The following CREB1 variants were observed in gnomAD, a reference collection of about 807,000 sequenced individuals.
The protein encoded by CREB1 is cyclic AMP-responsive element-binding protein 1.
A neutral mutation model predicts 42.0 loss-of-function variants in CREB1; 2 were observed. The observed-to-expected ratio is 0.05, with a 90% CI of 0.02 to 0.15. The LOEUF (loss-of-function observed/expected upper bound fraction) is 0.15. CREB1 is among the 10% of genes least tolerant of loss of function. The probability of loss-of-function intolerance (pLI) is 1.00; values close to 1 mark genes in which losing one functional copy is unlikely to be tolerated. For missense variants in CREB1, 199 were observed against 388.9 expected (o/e 0.51, Z 4.11); for synonymous variants, 123 against 139.9 (o/e 0.88, Z 0.85).
At chr2:207,587,325 A>G (rs1377206336) in intron 7 of CREB1, among the ~76,000 whole-genome samples, 1 of 151,478 alleles carries the variant, frequency 6.6e-6, no homozygotes, top group African/African-American at 2.4e-5. Flanking sequence ...CCCGGAAGGC[A>G]GAGCTTGCAG....
At chr2:207,578,646 T>G (rs982309342) in intron 7 of CREB1, among the ~76,000 whole-genome samples, 1 of 152,212 alleles carries the variant, frequency 6.6e-6, no homozygotes, top group South Asian at 2.1e-4. Flanking sequence ...TTTGTGTGTG[T>G]GTGTGCAATT....
Position 207,597,893 on chromosome 2 carries a change from A to T in CREB1, c.*835A>T, listed in dbSNP as rs1344675299. ...AATTCTTAGTAAAATGCTGATCAGT[A>T]AACCAATCCCTTGAGTTATATAACA... On this transcript the variant is annotated 3_prime_UTR_variant, in exon 8 of 8. Coordinates refer to ENST00000353267, the MANE Select transcript of CREB1 (RefSeq NM_004379.5). The T allele has an allele frequency of 1.1e-5, 2 of 188,370 alleles. No homozygotes were observed. Among genetic ancestry groups the T allele is most frequent in the Non-Finnish European group, 2.2e-5 (2 of 89,520 alleles). The allele number at this position is 188,370 out of a possible 1,614,324, so 11.7% of individuals were successfully genotyped here.
chr2:207,545,426 C>T (rs1233447277), intron 1 of CREB1, among the ~76,000 whole-genome samples: 1 of 152,032 alleles, frequency 6.6e-6, no homozygotes, highest in Non-Finnish European at 1.5e-5. Context: ...CAGCTGGTCA[C>T]GAACTTCTCA....
intron 3 of CREB1, among the ~76,000 whole-genome samples, chr2:207,566,264 C>T (rs866419992): frequency 1.3e-5 from 2 of 152,128 alleles, no homozygotes; most frequent in Admixed American, 6.5e-5. Context: ...ACATAGAGTA[C>T]GCTTGGAATT....
rs923172223 is a variant in CREB1 at position 207,605,474 on chromosome 2, T to C, written c.*8416T>C. On this transcript the variant is annotated 3_prime_UTR_variant, in exon 8 of 8. Coordinates refer to ENST00000353267, the MANE Select transcript of CREB1 (RefSeq NM_004379.5). ...AATATTTTCGCCTATAAGTTTTTGC[T>C]TTATAATGTCCTCATTGTTTTCAAA... Among the ~76,000 whole-genome samples, 1 of 152,236 alleles carries C rather than the reference T, an allele frequency of 6.6e-6. No homozygotes were observed. The highest frequency in any genetic ancestry group is 2.4e-5 in the African/African-American group (1 of 41,454).
intron 4 of CREB1, chr2:207,568,273 C>G (rs550027692): frequency 3.3e-5 from 5 of 152,010 alleles, no homozygotes; most frequent in African/African-American, 7.2e-5. Flanking sequence ...TTAAACTAAC[C>G]CTTTTCTCTG....
intron 6 of CREB1, among the ~76,000 whole-genome samples, chr2:207,576,311 T>C (rs1205079999): frequency 6.6e-6 from 1 of 150,572 alleles, no homozygotes; most frequent in African/African-American, 2.4e-5. Flanking sequence ...CAGTTAACCA[T>C]TTTTCTTTGG....
At chr2:207,552,231 G>C (rs1391134427) in intron 1 of CREB1, among the ~76,000 whole-genome samples, 2 of 151,974 alleles carry the variant, frequency 1.3e-5, no homozygotes, top group Admixed American at 6.6e-5. Flanking sequence ...GTATGTCTTT[G>C]TAACTAAAAT....
intron 6 of CREB1, chr2:207,576,703 T>G: frequency 7.9e-7 from 1 of 1,264,690 alleles, no homozygotes; most frequent in Non-Finnish European, 1.0e-6. Flanking sequence ...GGTAACATGT[T>G]TAGTATATAA....
intron 7 of CREB1, among the ~76,000 whole-genome samples, chr2:207,591,969 T>C (rs1485769837): frequency 6.6e-6 from 1 of 152,206 alleles, no homozygotes; most frequent in Non-Finnish European, 1.5e-5. Context: ...TATAAATCCA[T>C]GTTTTAATCT....
Position 207,604,974 on chromosome 2 carries a change from C to A in CREB1, c.*7916C>A, listed in dbSNP as rs1436274599. Among the ~76,000 whole-genome samples the A allele has an allele frequency of 6.6e-6, 1 of 152,146 alleles. No individual in the cohort carries two copies. Among genetic ancestry groups the A allele is most frequent in the Non-Finnish European group, 1.5e-5 (1 of 68,024 alleles). ...TTGTAGATATATACCACAAGTTTAT[C>A]GATTCATCCAGTTGAGTTGTTTCTA... is the stretch of plus-strand genomic sequence containing the variant. On this transcript the variant is annotated 3_prime_UTR_variant, in exon 8 of 8. Transcript: ENST00000353267.
rs991836312 is a variant in CREB1, at chr2:207,601,043, A to G, written c.*3985A>G. The G allele has an allele frequency of 5.3e-6, 1 of 190,058 alleles. No individual in the cohort carries two copies. Among genetic ancestry groups the G allele is most frequent in the Non-Finnish European group, 1.1e-5 (1 of 90,600 alleles). The allele number at this position is 190,058 out of a possible 1,614,324, so 11.8% of individuals were successfully genotyped here. On this transcript the variant is annotated 3_prime_UTR_variant, in exon 8 of 8. Transcript: ENST00000353267. ...TCATTTTGCAGGATTAAGTAGGGCT[A>G]ATGTATCTTAAAGTTAAGATCTTGA...
intron 3 of CREB1, chr2:207,561,039 C>T (rs2081939554): frequency 7.9e-7 from 1 of 1,259,616 alleles, no homozygotes; most frequent in Admixed American, 1.7e-5. Context: ...TGCAATTGAG[C>T]TTATTGAAAA....
chr2:207,575,519 C>A, intron 6 of CREB1, 65 bp downstream of exon 6: 1 of 1,384,424 alleles, frequency 7.2e-7, no homozygotes, highest in South Asian at 1.5e-5. Flanking sequence ...TATAAACTCA[C>A]AGAAAAAGTA....
chr2:207,552,487 T>C (rs2081547409), intron 1 of CREB1, among the ~76,000 whole-genome samples: 1 of 149,360 alleles, frequency 6.7e-6, no homozygotes, highest in African/African-American at 2.5e-5. Context: ...AATAAAGTCT[T>C]TCAAAAATGG....
chr2:207,570,543 T>A (rs772974217), intron 5 of CREB1, among the ~76,000 whole-genome samples: 3 of 152,214 alleles, frequency 2.0e-5, no homozygotes, highest in Non-Finnish European at 4.4e-5. Context: ...TGTATAAACC[T>A]TTTAGATGTC....
intron 2 of CREB1, chr2:207,559,086 C>T (rs2081853625): frequency 6.6e-6 from 1 of 152,556 alleles, no homozygotes; most frequent in Non-Finnish European, 1.5e-5. Context: ...CACATCTAGC[C>T]CCACCTGCCT....
intron 1 of CREB1, among the ~76,000 whole-genome samples, chr2:207,543,163 G>T (rs552467246): frequency 3.9e-5 from 6 of 152,148 alleles, no homozygotes; most frequent in African/African-American, 1.4e-4. Flanking sequence ...GACTCTTATG[G>T]GTTCAGCATA....
intron 7 of CREB1, among the ~76,000 whole-genome samples, chr2:207,586,877 A>G (rs2083937003): frequency 6.6e-6 from 1 of 152,240 alleles, no homozygotes; most frequent in Admixed American, 6.5e-5. Context: ...CAAAAAGACA[A>G]GAAGTAACAA....
Sources: allele counts gnomAD v4.1 joint callset (sites outside exome capture counted in the v4.1 genomes callset), GRCh38; gene constraint gnomAD v4.1.1; transcripts MANE v1.5; gene names NCBI Gene and HGNC (gene_info 2026-07-23, HGNC 2026-07-21).